The following TEX2 variants were observed in gnomAD, a reference collection of about 807,000 sequenced individuals.
The protein encoded by TEX2 is testis expressed 2.
Under a neutral mutation model 106.9 loss-of-function variants are expected in TEX2, and 53 were observed. The observed-to-expected ratio is 0.50, with a 90% confidence interval of 0.40 to 0.62. The LOEUF is 0.62. Among genes scored for constraint, TEX2 ranks in the 20% least tolerant of loss-of-function variants. The pLI is 0.00. For synonymous variants in TEX2, 523 were observed against 534.8 expected (o/e 0.98, Z 0.30); for missense variants, 1,207 against 1,379.0 (o/e 0.88, Z 1.98).
intron 5 of TEX2, among the ~76,000 whole-genome samples, chr17:64,177,776 G>A (rs182821151): frequency 1.1e-4 from 16 of 152,282 alleles, no homozygotes; most frequent in East Asian, 1.9e-4. Flanking sequence ...AATTAGCTTG[G>A]TATCAACATT....
intron 7 of TEX2, 152 bp from the exon 8 acceptor site, chr17:64,161,085 T>G: frequency 1.2e-6 from 1 of 808,610 alleles, no homozygotes; most frequent in South Asian, 1.8e-5. Context: ...GAGAGCACAT[T>G]GTGCCATCGA....
chr17:64,212,702 A>G lies in TEX2; in HGVS notation c.1516T>C (p.Phe506Leu). ...CAAATCACGCAAACTGCAGTCATGA[A>G]TCCAAGGCCAATTCCCAGAAAGAGT... ...SGLFLGIGLG[F>L]MTAVCVIWFF... Residue 506 changes from phenylalanine (F) to leucine (L), a missense_variant, in exon 2 of 12, where the codon TTC becomes CTC. Coordinates refer to ENST00000584379, the MANE Select transcript of TEX2 (RefSeq NM_001288732.2). 6.2e-7 allele frequency: 1 copy of G among 1,614,176 alleles called. No individual in the cohort carries two copies. Among genetic ancestry groups the G allele is most frequent in the Non-Finnish European group, 8.5e-7 (1 of 1,180,024 alleles).
At chr17:64,219,506 A>ATAAAATAAAATATAAAATAAAATAAAAT (rs1555633006) in intron 1 of TEX2, among the ~76,000 whole-genome samples, 2 of 134,300 alleles carry the variant, frequency 1.5e-5, no homozygotes, top group African/African-American at 2.7e-5. Flanking sequence ...ACTCCATCTC[A>ATAAAATAAAATATAAAATAAAATAAAAT]TCAAATAAAA....
intron 1 of TEX2, among the ~76,000 whole-genome samples, chr17:64,224,251 G>T (rs2033443935): frequency 1.3e-5 from 2 of 152,142 alleles, no homozygotes; most frequent in Non-Finnish European, 2.9e-5. Flanking sequence ...AGTTGGTTTT[G>T]TAAAAAGGAG....
At chr17:64,184,059 C>T (rs1045568290) in intron 5 of TEX2, among the ~76,000 whole-genome samples, 10 of 152,268 alleles carry the variant, frequency 6.6e-5, no homozygotes, top group East Asian at 1.9e-4. Flanking sequence ...CTTATTTGGG[C>T]GTTAGTGTAT....
chr17:64,234,142 C>T (rs565361677), intron 1 of TEX2, among the ~76,000 whole-genome samples: 89 of 152,308 alleles, frequency 5.8e-4, no homozygotes, highest in African/African-American at 2.1e-3. Flanking sequence ...AAAAGTGTTT[C>T]TCAGCAGATT....
At chr17:64,179,485 A>G (rs2031757815) in intron 5 of TEX2, among the ~76,000 whole-genome samples, 2 of 152,180 alleles carry the variant, frequency 1.3e-5, no homozygotes, top group African/African-American at 4.8e-5. Flanking sequence ...TGCTCTTCAC[A>G]ATAAACCTTC....
At chr17:64,262,787 G>A (rs1555638763) in intron 1 of TEX2, among the ~76,000 whole-genome samples, 1 of 152,222 alleles carries the variant, frequency 6.6e-6, no homozygotes, top group East Asian at 1.9e-4. Context: ...TCGCGTCGCC[G>A]GTGAGGGGGG....
chr17:64,178,584 G>T (rs1044394945), intron 5 of TEX2, among the ~76,000 whole-genome samples: 1 of 152,154 alleles, frequency 6.6e-6, no homozygotes, highest in African/African-American at 2.4e-5. Flanking sequence ...AGGGGAGCTG[G>T]CCCCCTGATA....
intron 1 of TEX2, among the ~76,000 whole-genome samples, chr17:64,216,064 G>A (rs782423158): frequency 2.7e-4 from 41 of 152,184 alleles, no homozygotes; most frequent in Non-Finnish European, 5.7e-4. Context: ...TTCACACACA[G>A]TTCTGTCCAG....
At position 64,246,445 on chromosome 17, in the gene TEX2, C is replaced by A. The variant is rs113184244; in HGVS notation, c.-26+16723G>T. Reference sequence around the variant, plus strand: ...ATTTTTTAGTAGAGACGGGGTTTCACCATATTGGCCAGTCTGGTATCAAAC... The same window carrying A: ...ATTTTTTAGTAGAGACGGGGTTTCAACATATTGGCCAGTCTGGTATCAAAC... On this transcript the variant is annotated intron_variant, in intron 1 of 11. Transcript: ENST00000584379. Among the ~76,000 whole-genome samples, 612 of 152,234 alleles carry A rather than the reference C, an allele frequency of 4.0e-3. 4 individuals are homozygous for A. Among genetic ancestry groups the A allele is most frequent in the African/African-American group, 0.014 (593 of 41,552 alleles).
intron 1 of TEX2, among the ~76,000 whole-genome samples, chr17:64,245,810 G>A (rs2033976937): frequency 2.0e-5 from 3 of 152,114 alleles, no homozygotes; most frequent in Admixed American, 1.3e-4. Flanking sequence ...ACAACAGAGA[G>A]CAAAGGAAAG....
intron 1 of TEX2, among the ~76,000 whole-genome samples, chr17:64,218,179 G>C (rs953908584): frequency 2.6e-5 from 4 of 152,084 alleles, no homozygotes; most frequent in Non-Finnish European, 4.4e-5. Context: ...CCATGAAACA[G>C]AGGTTTCAGT....
At chr17:64,187,174 C>T (rs1421107065) in intron 5 of TEX2, among the ~76,000 whole-genome samples, 3 of 152,198 alleles carry the variant, frequency 2.0e-5, no homozygotes, top group African/African-American at 4.8e-5. Context: ...TGGCAGCTTA[C>T]AGGAGTTATC....
At chr17:64,188,740 C>T (rs1348803862) in intron 4 of TEX2, among the ~76,000 whole-genome samples, 1 of 150,346 alleles carries the variant, frequency 6.7e-6, no homozygotes, top group Non-Finnish European at 1.5e-5. Flanking sequence ...GGTGTGAACC[C>T]AGGAGGTGGA....
chr17:64,154,723 T>C, intron 9 of TEX2, 119 bp downstream of exon 9: 1 of 1,251,260 alleles, frequency 8.0e-7, no homozygotes. Flanking sequence ...AAAAAAACCA[T>C]CTACTCAACA....
chr17:64,159,894 CCAGCT>C (rs1299565721), intron 8 of TEX2, among the ~76,000 whole-genome samples: 1 of 151,940 alleles, frequency 6.6e-6, no homozygotes, highest in Admixed American at 6.6e-5. Flanking sequence ...AATGCATAAC[CCAGCT>C]CCCCCAATCT....
chr17:64,249,549 G>GT (rs71297993), intron 1 of TEX2, among the ~76,000 whole-genome samples: 11,312 of 152,214 alleles, frequency 0.074, 517 homozygotes, highest in Non-Finnish European at 0.11. Flanking sequence ...GTTTTCAATT[G>GT]TATTTTTTGA....
chr17:64,196,981 G>GAT (rs369268699), intron 2 of TEX2, among the ~76,000 whole-genome samples: 1,081 of 41,670 alleles, frequency 0.026, 11 homozygotes, highest in African/African-American at 0.062. Context: ...GTCAAATCAA[G>GAT]ATTTTTTTTT....
Sources: gnomAD v4.1 joint callset for allele counts (sites outside exome capture counted in the v4.1 genomes callset) on GRCh38, gnomAD v4.1.1 for gene constraint, MANE v1.5 for transcripts, NCBI Gene and HGNC (gene_info 2026-07-23, HGNC 2026-07-21) for gene names.